Variants in ABCA8 observed in about 807,000 individuals in gnomAD.
ABCA8 encodes ABC-type organic anion transporter ABCA8.
A neutral mutation model predicts 192.3 loss-of-function variants in ABCA8; 177 were observed. That is an observed-to-expected ratio of 0.92 (90% CI 0.81 to 1.04). ABCA8 has a LOEUF of 1.04. Among genes scored for constraint, ABCA8 ranks in the 50% least tolerant of loss-of-function variants. The pLI is 0.00. For missense variants in ABCA8, 1,915 were observed against 1,904.8 expected (o/e 1.01, Z -0.10); for synonymous variants, 642 against 690.2 (o/e 0.93, Z 1.09).
chr17:68,944,888 A>G (rs1598296017), intron 2 of ABCA8: 1 of 152,446 alleles, frequency 6.6e-6, no homozygotes, highest in South Asian at 2.1e-4. Context: ...ACAGGTCCAG[A>G]ACCTCTCAAC....
chr17:68,877,673 G>A lies in ABCA8; in HGVS notation c.4045C>T (p.Leu1349=). 6 of 1,609,414 alleles carry A rather than the reference G, an allele frequency of 3.7e-6. No individual in the cohort carries two copies. Among genetic ancestry groups the A allele is most frequent in the Non-Finnish European group, 5.1e-6 (6 of 1,177,360 alleles). ...DTKPTAGQVL[L]KGSGGGDALE... ...GCATCCCCTCCACCGCTCCCTTTCA[G>A]TAGCACCTGCAGATGAAAGTTCCCT... The change falls in exon 33 of 40, where the codon CTG becomes TTG. Residue 1349 remains leucine, a synonymous_variant. Transcript: ENST00000586539.
intron 13 of ABCA8, 124 bp downstream of exon 13, chr17:68,921,258 C>A (rs143330466): frequency 9.4e-6 from 4 of 425,424 alleles, no homozygotes; most frequent in Admixed American, 3.5e-5. Flanking sequence ...TTAAATGACG[C>A]GTTAATGGGT....
intron 38 of ABCA8, 148 bp downstream of exon 38, chr17:68,869,552 G>A (rs2065995115): frequency 1.6e-6 from 1 of 636,446 alleles, no homozygotes; most frequent in South Asian, 2.2e-5. Context: ...CTATCTCCTT[G>A]GTTTGGGTCT....
Position 68,918,485 on chromosome 17 carries a change from A to G in ABCA8, c.1850T>C (p.Leu617Ser). The G allele has an allele frequency of 6.4e-7, 1 of 1,551,824 alleles. No homozygotes were observed. The highest frequency in any genetic ancestry group is 8.7e-7 in the Non-Finnish European group (1 of 1,154,156). ...KNIQDVLAQN[L>S]SGGQKRKLTF... ...TAGCTTTCTTTTCTGTCCACCACTT[A>G]AGTTTTGAGCAAGAACATCCTGAAT... Residue 617 changes from leucine (L) to serine (S), a missense_variant, in exon 15 of 40, where the codon TTA (leucine) becomes TCA (serine). Coordinates refer to ENST00000586539, the MANE Select transcript of ABCA8 (RefSeq NM_001288985.2).
At position 68,887,153 on chromosome 17, in the gene ABCA8, G is replaced by A. The variant is rs778543988; in HGVS notation, c.3316-23C>T. 3.3e-6 allele frequency: 5 copies of A among 1,526,100 alleles called. No individual in the cohort carries two copies. In the South Asian group the frequency reaches 4.9e-5, roughly 15 times the overall value. 94.5% of individuals were successfully genotyped at this position (1,526,100 alleles called of 1,614,324 possible). A position where few individuals can be genotyped will look rare whatever the true frequency, so the allele number is the denominator to read the frequency against. On this transcript the variant is annotated intron_variant, in intron 25 of 39. Coordinates refer to ENST00000586539, the MANE Select transcript of ABCA8 (RefSeq NM_001288985.2). The stretch of plus-strand genomic sequence containing the variant: ...GATCTAAAATCAACAGGAATGTGAA[G>A]CTTAGTTAAATACAAATGCAATCAA...
intron 1 of ABCA8, among the ~76,000 whole-genome samples, chr17:68,953,107 C>G (rs575674166): frequency 4.6e-5 from 7 of 152,168 alleles, no homozygotes; most frequent in Non-Finnish European, 8.8e-5. Flanking sequence ...TTCAAATGGT[C>G]TTTGCCGTGG....
At chr17:68,899,118 A>G (rs895038476) in intron 21 of ABCA8, among the ~76,000 whole-genome samples, 15 of 152,068 alleles carry the variant, frequency 9.9e-5, no homozygotes, top group Admixed American at 4.6e-4. Flanking sequence ...AAATAATTAA[A>G]TCATTAAACT....
Position 68,895,033 on chromosome 17 carries a change from A to G in ABCA8, c.2765-20T>C. ...TTGCCCCTAAGGTGTAGTTAAAGAT[A>G]TTAGGTATCACAAAACTAAAAACAT... On this transcript the variant is annotated intron_variant, in intron 21 of 39. Coordinates refer to ENST00000586539, the MANE Select transcript of ABCA8 (RefSeq NM_001288985.2). 1 of 1,562,908 alleles carries G rather than the reference A, an allele frequency of 6.4e-7. No individual in the cohort carries two copies. The highest frequency in any genetic ancestry group is 8.6e-7 in the Non-Finnish European group (1 of 1,157,244).
chr17:68,917,979 G>T (rs1393199060), intron 16 of ABCA8, 68 bp downstream of exon 16: 9 of 1,567,982 alleles, frequency 5.7e-6, no homozygotes, highest in Non-Finnish European at 7.8e-6. Flanking sequence ...TAACTGTTCA[G>T]AGACCAATCC....
At chr17:68,888,416 T>C (rs2066545414) in intron 24 of ABCA8, among the ~76,000 whole-genome samples, 1 of 152,166 alleles carries the variant, frequency 6.6e-6, no homozygotes, top group Non-Finnish European at 1.5e-5. Flanking sequence ...TTGATGGGCT[T>C]TGATGAGCTA....
intron 17 of ABCA8, among the ~76,000 whole-genome samples, chr17:68,909,650 A>G (rs2067183610): frequency 6.6e-6 from 1 of 152,062 alleles, no homozygotes; most frequent in Admixed American, 6.5e-5. Context: ...ACTTTCAGAT[A>G]GTTTAATTAA....
intron 23 of ABCA8, among the ~76,000 whole-genome samples, chr17:68,892,158 G>T (rs929761964): frequency 6.6e-6 from 1 of 152,174 alleles, no homozygotes; most frequent in African/African-American, 2.4e-5. Flanking sequence ...AAGGATAAAA[G>T]ATCACAAACT....
intron 2 of ABCA8, among the ~76,000 whole-genome samples, chr17:68,945,244 T>C (rs2068366138): frequency 6.6e-6 from 1 of 152,164 alleles, no homozygotes; most frequent in Non-Finnish European, 1.5e-5. Flanking sequence ...TTGTGTTGTC[T>C]GTTGTCTTGT....
In ABCA8 at chr17:68,884,412, C is replaced by T. The variant is rs1598196870; in HGVS notation, c.3550-16G>A. 6.4e-7 allele frequency: 1 copy of T among 1,570,968 alleles called. No homozygotes were observed. Among genetic ancestry groups the T allele is most frequent in the Non-Finnish European group, 8.6e-7 (1 of 1,165,088 alleles). The stretch of plus-strand genomic sequence containing the variant: ...AAAAGAGAAGCTGCAAAAGAAAAGA[C>T]AATTGCTAAACAGGGAGTTTTTTGT... On this transcript the variant is annotated splice_polypyrimidine_tract_variant and intron_variant, in intron 27 of 39. Coordinates refer to ENST00000586539, the MANE Select transcript of ABCA8 (RefSeq NM_001288985.2).
chr17:68,918,909 G>T (rs940608902), intron 14 of ABCA8, among the ~76,000 whole-genome samples: 1 of 112,948 alleles, frequency 8.9e-6, no homozygotes, highest in Non-Finnish European at 1.6e-5. Context: ...CGGCCTGGGC[G>T]ACAAGAGCAA....
intron 37 of ABCA8, among the ~76,000 whole-genome samples, chr17:68,870,869 A>G (rs953858536): frequency 6.6e-6 from 1 of 152,180 alleles, no homozygotes; most frequent in East Asian, 1.9e-4. Flanking sequence ...CAGAAATGCA[A>G]TTGCTAGGAC....
chr17:68,945,687 A>G (rs2068378803), intron 2 of ABCA8, among the ~76,000 whole-genome samples: 1 of 151,994 alleles, frequency 6.6e-6, no homozygotes, highest in South Asian at 2.1e-4. Flanking sequence ...TTCTTTCTGC[A>G]TTTCTCAAGC....
At chr17:68,874,025 A>G (rs2066137350) in intron 37 of ABCA8, among the ~76,000 whole-genome samples, 1 of 152,174 alleles carries the variant, frequency 6.6e-6, no homozygotes, top group South Asian at 2.1e-4. Flanking sequence ...GTGAATTGAT[A>G]ATAATCAAAA....
In ABCA8 at chr17:68,919,389, T is replaced by C. The variant is rs753591032; in HGVS notation, c.1700A>G (p.Asn567Ser). The C allele has an allele frequency of 6.2e-7, 1 of 1,614,062 alleles. No homozygotes were observed. The highest frequency in any genetic ancestry group is 8.5e-7 in the Non-Finnish European group (1 of 1,179,972). ...SKLTGVCPQS[N>S]VQFDFLTVRE... Reference sequence around the variant, plus strand: ...TACAGTGAGGAAGTCAAATTGCACATTGGATTGTGGACAAACTCCGGTCAG... The same window carrying C: ...TACAGTGAGGAAGTCAAATTGCACACTGGATTGTGGACAAACTCCGGTCAG... Residue 567 changes from asparagine (N) to serine (S), a missense_variant, in exon 14 of 40, where the codon AAT becomes AGT. Asn to Ser is a conservative substitution (Grantham distance 46, BLOSUM62 1). Transcript: ENST00000586539.
Sources: allele counts gnomAD v4.1 joint callset (sites outside exome capture counted in the v4.1 genomes callset), GRCh38; gene constraint gnomAD v4.1.1; transcripts MANE v1.5; gene names NCBI Gene and HGNC (gene_info 2026-07-23, HGNC 2026-07-21).